WWOX: variants seen among roughly 807,000 people sequenced by gnomAD.
WWOX encodes the protein WW domain-containing oxidoreductase.
Under a neutral mutation model 46.2 loss-of-function variants are expected in WWOX, and 69 were observed. That is an observed-to-expected ratio of 1.49 (90% confidence interval 1.23 to 1.82). The LOEUF (loss-of-function observed/expected upper bound fraction) is 1.82, where lower values mean the gene tolerates loss of function less well. Among genes scored for constraint, WWOX ranks in the 40% most tolerant of loss-of-function variants. WWOX has a pLI of 0.00. For synonymous variants in WWOX, 359 were observed against 202.6 expected (o/e 1.77, Z -6.56); for missense variants, 919 against 542.6 (o/e 1.69, Z -6.89).
chr16:78,576,101 C>G (rs1220637368), intron 8 of WWOX, among the ~76,000 whole-genome samples: 1 of 152,034 alleles, frequency 6.6e-6, no homozygotes, highest in Non-Finnish European at 1.5e-5. Flanking sequence ...TGTTGTCTGA[C>G]AGTTTCCCTC....
intron 8 of WWOX, among the ~76,000 whole-genome samples, chr16:79,186,252 A>G (rs1006660881): frequency 6.6e-5 from 10 of 152,230 alleles, no homozygotes; most frequent in African/African-American, 1.9e-4. Flanking sequence ...CAAACTGCAC[A>G]GCCTAGAGGG....
rs188301859 is a variant in WWOX, at chr16:78,643,465, C to T, written c.1056+210713C>T. Among the ~76,000 whole-genome samples, 277 of 152,236 alleles carry T rather than the reference C, an allele frequency of 1.8e-3. 1 individual carries two copies. The highest frequency in any genetic ancestry group is 3.3e-3 in the Non-Finnish European group (226 of 68,026). ...CAGCTCATAAGGTGTGCTACCAAGTCACCCATGAGTAGCAATTAGGCGACT... is the reference window on the plus strand; with the variant it reads ...CAGCTCATAAGGTGTGCTACCAAGTTACCCATGAGTAGCAATTAGGCGACT... On this transcript the variant is annotated intron_variant, in intron 8 of 8. Transcript: ENST00000566780.
At chr16:78,536,643 A>G (rs1260862478) in intron 8 of WWOX, among the ~76,000 whole-genome samples, 4 of 152,146 alleles carry the variant, frequency 2.6e-5, no homozygotes, top group Non-Finnish European at 5.9e-5. Context: ...TCCCATGCAA[A>G]GAAAGCTGAG....
At chr16:78,803,749 G>C (rs933022834) in intron 8 of WWOX, among the ~76,000 whole-genome samples, 1 of 152,150 alleles carries the variant, frequency 6.6e-6, no homozygotes, top group Non-Finnish European at 1.5e-5. Context: ...ATGACCCATC[G>C]TGTCCAGCCT....
intron 8 of WWOX, among the ~76,000 whole-genome samples, chr16:78,980,466 C>T (rs1310126655): frequency 6.6e-6 from 1 of 152,232 alleles, no homozygotes; most frequent in African/African-American, 2.4e-5. Context: ...CCTCAATTTT[C>T]ACAATTAATT....
intron 8 of WWOX, among the ~76,000 whole-genome samples, chr16:79,078,386 C>A (rs2048699466): frequency 1.3e-5 from 2 of 152,160 alleles, no homozygotes; most frequent in Non-Finnish European, 2.9e-5. Flanking sequence ...TTTGGAATCA[C>A]TTCTCTGATT....
intron 8 of WWOX, among the ~76,000 whole-genome samples, chr16:78,686,534 G>C (rs943434282): frequency 6.6e-6 from 1 of 151,720 alleles, no homozygotes; most frequent in Admixed American, 6.6e-5. Flanking sequence ...AAATCTGTTA[G>C]AAATGCATAT....
At chr16:79,160,038 G>A (rs1407130312) in intron 8 of WWOX, among the ~76,000 whole-genome samples, 1 of 152,202 alleles carries the variant, frequency 6.6e-6, no homozygotes, top group Non-Finnish European at 1.5e-5. Context: ...CCTGACAAAT[G>A]TCTGCTGCTG....
intron 8 of WWOX, among the ~76,000 whole-genome samples, chr16:78,907,577 G>A (rs985404433): frequency 6.6e-6 from 1 of 152,168 alleles, no homozygotes; most frequent in Non-Finnish European, 1.5e-5. Context: ...GAATGACTAA[G>A]GGCGGTCTGA....
At chr16:79,121,193 G>C (rs1016969098) in intron 8 of WWOX, among the ~76,000 whole-genome samples, 1 of 152,312 alleles carries the variant, frequency 6.6e-6, no homozygotes, top group Non-Finnish European at 1.5e-5. Flanking sequence ...TAGAGTCACA[G>C]TTACAGGTTC....
chr16:78,620,319 G>A (rs1776099975), intron 8 of WWOX, among the ~76,000 whole-genome samples: 2 of 152,298 alleles, frequency 1.3e-5, no homozygotes, highest in East Asian at 1.9e-4. Context: ...CTGAATGTCT[G>A]TATAGAATCC....
At chr16:78,900,162 T>G (rs1027369693) in intron 8 of WWOX, among the ~76,000 whole-genome samples, 88 of 150,856 alleles carry the variant, frequency 5.8e-4, no homozygotes, top group African/African-American at 2.1e-3. Flanking sequence ...AACAAACCGT[T>G]CATCATTTTG....
At chr16:78,632,320 A>G (rs2046451454) in intron 8 of WWOX, among the ~76,000 whole-genome samples, 1 of 152,196 alleles carries the variant, frequency 6.6e-6, no homozygotes, top group African/African-American at 2.4e-5. Flanking sequence ...CACGTAGAAT[A>G]GTATTTGACA....
chr16:78,592,435 G>A (rs1053538300), intron 8 of WWOX, among the ~76,000 whole-genome samples: 1 of 152,160 alleles, frequency 6.6e-6, no homozygotes, highest in African/African-American at 2.4e-5. Context: ...CAAGCATGCA[G>A]ATTGTAAGTG....
intron 8 of WWOX, among the ~76,000 whole-genome samples, chr16:78,995,667 T>C (rs2046975683): frequency 6.6e-6 from 1 of 152,178 alleles, no homozygotes; most frequent in African/African-American, 2.4e-5. Context: ...AGATTACATA[T>C]ATAGCCAGCA....
chr16:78,315,546 A>C (rs1397845789), intron 5 of WWOX, among the ~76,000 whole-genome samples: 2 of 152,154 alleles, frequency 1.3e-5, no homozygotes, highest in East Asian at 3.9e-4. Flanking sequence ...GCTGCTCAGG[A>C]GGCTGAGGCA....
chr16:78,965,534 C>A (rs895748670), intron 8 of WWOX, among the ~76,000 whole-genome samples: 2 of 151,246 alleles, frequency 1.3e-5, no homozygotes, highest in African/African-American at 4.9e-5. Flanking sequence ...GGCACCATTG[C>A]ACTCCAGCCT....
intron 8 of WWOX, chr16:78,756,856 C>A (rs750172853): frequency 1.4e-6 from 1 of 699,140 alleles, no homozygotes; most frequent in East Asian, 2.7e-5. Context: ...TAGGGTATTG[C>A]AGACATCAGA....
At chr16:78,288,334 G>A (rs754105254) in intron 5 of WWOX, among the ~76,000 whole-genome samples, 2 of 151,162 alleles carry the variant, frequency 1.3e-5, no homozygotes, top group Non-Finnish European at 2.9e-5. Context: ...GATAGGACGG[G>A]TAACCCAGAG....
Sources: gnomAD v4.1 joint callset for allele counts (sites outside exome capture counted in the v4.1 genomes callset) on GRCh38, gnomAD v4.1.1 for gene constraint, MANE v1.5 for transcripts, NCBI Gene and HGNC (gene_info 2026-07-23, HGNC 2026-07-21) for gene names.